The following NEK1 variants were observed in gnomAD, a reference collection of about 807,000 sequenced individuals.
The protein encoded by NEK1 is NIMA related kinase 1, also known as serine/threonine-protein kinase Nek1.
Under a neutral mutation model 182.1 loss-of-function variants are expected in NEK1, and 137 were observed. That is an observed-to-expected ratio of 0.75 (90% CI 0.65 to 0.87). The LOEUF (loss-of-function observed/expected upper bound fraction) is 0.87, where lower values mean the gene tolerates loss of function less well. NEK1 is among the 40% of genes least tolerant of loss of function. The pLI, the probability that NEK1 is intolerant of heterozygous loss-of-function variation, is 0.00. For synonymous variants in NEK1, 513 were observed against 492.2 expected, an observed-to-expected ratio of 1.04 and a Z score of -0.56; for missense variants, 1,391 against 1,494.4, an observed-to-expected ratio of 0.93 and a Z score of 1.14.
chr4:169,450,804 A>T (rs1402851565), intron 27 of NEK1, among the ~76,000 whole-genome samples: 1 of 152,196 alleles, frequency 6.6e-6, no homozygotes, highest in African/African-American at 2.4e-5. Flanking sequence ...TTCACACATA[A>T]CAATATTAAC....
At chr4:169,429,334 C>T (rs966743562) in intron 29 of NEK1, among the ~76,000 whole-genome samples, 3 of 152,032 alleles carry the variant, frequency 2.0e-5, no homozygotes, top group African/African-American at 7.2e-5. Flanking sequence ...CTTCTTTGTG[C>T]TCATGTATGA....
intron 12 of NEK1, among the ~76,000 whole-genome samples, chr4:169,562,699 A>G (rs1763101142): frequency 6.6e-6 from 1 of 152,160 alleles, no homozygotes; most frequent in South Asian, 2.1e-4. Context: ...ACATACAACA[A>G]TTTTAGCTAT....
At chr4:169,409,788 GA>G (rs1342366363) in intron 31 of NEK1, among the ~76,000 whole-genome samples, 2 of 152,006 alleles carry the variant, frequency 1.3e-5, no homozygotes, top group African/African-American at 4.8e-5. Flanking sequence ...GAAAAGAAAA[GA>G]AAAAATTACG....
chr4:169,590,567 A>T (rs898336645), intron 6 of NEK1, among the ~76,000 whole-genome samples, 159 bp downstream of exon 6: 1 of 152,074 alleles, frequency 6.6e-6, no homozygotes, highest in Non-Finnish European at 1.5e-5. Context: ...GGAAGCAAGC[A>T]GGAGATCTAA....
intron 31 of NEK1, among the ~76,000 whole-genome samples, chr4:169,416,244 C>T (rs566370707): frequency 4.6e-5 from 7 of 152,162 alleles, no homozygotes; most frequent in Admixed American, 1.3e-4. Flanking sequence ...ATCCACCATG[C>T]GAACTTTTTC....
chr4:169,521,837 C>T (rs76572603), intron 19 of NEK1, among the ~76,000 whole-genome samples: 5,202 of 152,176 alleles, frequency 0.034, 321 homozygotes, highest in African/African-American at 0.12. Flanking sequence ...TGTGTCATTT[C>T]TCTCTCCCAT....
At chr4:169,501,690 A>T (rs545200261) in intron 23 of NEK1, among the ~76,000 whole-genome samples, 4 of 152,252 alleles carry the variant, frequency 2.6e-5, no homozygotes, top group African/African-American at 7.2e-5. Context: ...ATTTAAAAAA[A>T]TTTTTGAAAC....
chr4:169,462,495 C>T (rs1390312628), intron 27 of NEK1, among the ~76,000 whole-genome samples: 3 of 152,002 alleles, frequency 2.0e-5, no homozygotes, highest in Non-Finnish European at 4.4e-5. Flanking sequence ...TGTATAGGTT[C>T]GTTTCACTGG....
intron 2 of NEK1, among the ~76,000 whole-genome samples, chr4:169,603,777 C>T (rs1312367529): frequency 6.6e-6 from 1 of 150,464 alleles, no homozygotes; most frequent in Non-Finnish European, 1.5e-5. Flanking sequence ...ACGATCTCGG[C>T]TCACTGCAAT....
In NEK1 at chr4:169,508,307, T is replaced by A; in HGVS notation, c.1774A>T (p.Ile592Leu). The A allele has an allele frequency of 6.3e-7, 1 of 1,586,104 alleles. No individual in the cohort carries two copies. The highest frequency in any genetic ancestry group is 8.6e-7 in the Non-Finnish European group (1 of 1,166,162). ...CGCTCATTGAAATTCTGTAGTCTTA[T>A]TTGCCTCAGTCTTGCCAGATAAACC... ...EEVYLARLRQ[I>L]RLQNFNERQQ... The change falls in exon 21 of 36, where the codon ATA becomes TTA. Residue 592 changes from isoleucine (I) to leucine (L), a missense_variant. Ile to Leu is a conservative substitution (Grantham distance 5). Transcript: ENST00000507142.
At chr4:169,560,227 C>T (rs1343286438) in intron 16 of NEK1, among the ~76,000 whole-genome samples, 1 of 152,166 alleles carries the variant, frequency 6.6e-6, no homozygotes, top group Non-Finnish European at 1.5e-5. Flanking sequence ...GCCAGGGTTA[C>T]AATTCTCACC....
chr4:169,422,279 G>T (rs1408883420), intron 31 of NEK1, among the ~76,000 whole-genome samples: 1 of 152,186 alleles, frequency 6.6e-6, no homozygotes, highest in Non-Finnish European at 1.5e-5. Context: ...GTTGCAAAAG[G>T]GGATAGAGAA....
chr4:169,415,235 A>T (rs1343821684), intron 31 of NEK1, among the ~76,000 whole-genome samples: 1 of 152,236 alleles, frequency 6.6e-6, no homozygotes, highest in Non-Finnish European at 1.5e-5. Context: ...ACTAACCTTC[A>T]GTGATCTCCA....
chr4:169,574,703 A>G (rs79161881), intron 12 of NEK1, among the ~76,000 whole-genome samples: 506 of 152,224 alleles, frequency 3.3e-3, no homozygotes, highest in Non-Finnish European at 4.7e-3. Flanking sequence ...GCATCAAGGT[A>G]GAGAGATGAG....
chr4:169,459,475 T>C (rs1743543002), intron 27 of NEK1, among the ~76,000 whole-genome samples: 1 of 152,216 alleles, frequency 6.6e-6, no homozygotes, highest in Non-Finnish European at 1.5e-5. Flanking sequence ...GGTGGTTTCT[T>C]ACAAAACTAA....
At chr4:169,607,992 G>A (rs964614429) in intron 2 of NEK1, among the ~76,000 whole-genome samples, 8 of 151,874 alleles carry the variant, frequency 5.3e-5, no homozygotes, top group East Asian at 3.9e-4. Context: ...TGTATAGGAA[G>A]ACTTAATATC....
At chr4:169,408,928 A>G (rs1005732060) in intron 31 of NEK1, among the ~76,000 whole-genome samples, 1 of 152,160 alleles carries the variant, frequency 6.6e-6, no homozygotes, top group African/African-American at 2.4e-5. Flanking sequence ...TGCTGCTATA[A>G]ACATGGGTGT....
intron 2 of NEK1, among the ~76,000 whole-genome samples, chr4:169,603,811 T>G (rs1471114508): frequency 1.3e-5 from 2 of 151,708 alleles, no homozygotes; most frequent in African/African-American, 4.9e-5. Flanking sequence ...GTTCCAGCGA[T>G]TCCCCTGCCT....
chr4:169,578,703 T>C (rs1766108792), intron 11 of NEK1, among the ~76,000 whole-genome samples: 1 of 152,188 alleles, frequency 6.6e-6, no homozygotes, highest in Admixed American at 6.5e-5. Context: ...ATTTTTATAA[T>C]AAATATCTAT....
Sources: allele counts gnomAD v4.1 joint callset (sites outside exome capture counted in the v4.1 genomes callset), GRCh38; gene constraint gnomAD v4.1.1; transcripts MANE v1.5; gene names NCBI Gene and HGNC (gene_info 2026-07-23, HGNC 2026-07-21).